The following SAMD12 variants were observed in gnomAD, a reference collection of about 807,000 sequenced individuals.
The protein encoded by SAMD12 is sterile alpha motif domain-containing protein 12.
A neutral mutation model predicts 15.0 loss-of-function variants in SAMD12; 9 were observed. That is an observed-to-expected ratio of 0.60 (90% confidence interval 0.36 to 1.05). SAMD12 has a LOEUF of 1.05. Among genes scored for constraint, SAMD12 ranks in the 50% least tolerant of loss-of-function variants. The probability of loss-of-function intolerance (pLI) is 0.01; values close to 1 mark genes in which losing one functional copy is unlikely to be tolerated. For missense variants in SAMD12, 230 were observed against 234.2 expected (o/e 0.98, Z 0.12); for synonymous variants, 86 against 90.1 (o/e 0.96, Z 0.25).
In SAMD12 at chr8:118,493,813, C is replaced by T. The variant is rs545399751; in HGVS notation, c.193-53852G>A. Among the ~76,000 whole-genome samples, 242 of 152,230 alleles carry T rather than the reference C, an allele frequency of 1.6e-3. 3 individuals carry two copies. Among genetic ancestry groups the T allele is most frequent in the African/African-American group, 5.7e-3 (235 of 41,554 alleles). ...AAGGACTGAAATAGGAGGTGGACACCACATGGCAGGATCCAGGATCTAATC... is the reference window on the plus strand; with the variant it reads ...AAGGACTGAAATAGGAGGTGGACACTACATGGCAGGATCCAGGATCTAATC... On this transcript the variant is annotated intron_variant, in intron 2 of 3. Transcript: ENST00000314727.
At chr8:118,419,187 C>T (rs1305142471) in intron 3 of SAMD12, among the ~76,000 whole-genome samples, 1 of 151,836 alleles carries the variant, frequency 6.6e-6, no homozygotes. Context: ...AAGGAATTGT[C>T]CTTGAACTGG....
intron 1 of SAMD12, among the ~76,000 whole-genome samples, chr8:118,609,993 A>G (rs973328833): frequency 2.0e-5 from 3 of 152,204 alleles, no homozygotes; most frequent in African/African-American, 4.8e-5. Flanking sequence ...CAAGAGCAGT[A>G]AGTTCAATAT....
intron 4 of SAMD12, among the ~76,000 whole-genome samples, chr8:118,346,792 G>C (rs1011844999): frequency 7.9e-5 from 12 of 152,332 alleles, no homozygotes; most frequent in African/African-American, 2.4e-4. Context: ...GAGCCAACAA[G>C]AGTCCTTCCT....
chr8:118,258,475 A>G (rs113847909), intron 4 of SAMD12, among the ~76,000 whole-genome samples: 15,121 of 152,094 alleles, frequency 0.099, 2,321 homozygotes, highest in African/African-American at 0.33. Flanking sequence ...TTGAGTGCCT[A>G]CTATGTGCCT....
chr8:118,148,499 A>T, the SAMD12 span, among the ~76,000 whole-genome samples: 1 of 152,248 alleles, frequency 6.6e-6, no homozygotes. Context: ...TCGTACAAAC[A>T]TTATGATCTT....
At chr8:118,145,991 A>T in the SAMD12 span, among the ~76,000 whole-genome samples, 9 of 152,204 alleles carry the variant, frequency 5.9e-5, no homozygotes, top group Non-Finnish European at 1.2e-4. Context: ...GATCAAAGCG[A>T]TGCAACCCCA....
chr8:118,570,791 A>G (rs1390607981), intron 2 of SAMD12, among the ~76,000 whole-genome samples: 3 of 152,080 alleles, frequency 2.0e-5, no homozygotes, highest in Admixed American at 2.0e-4. Context: ...ATTCCCACAT[A>G]TTGTGGGAGG....
intron 4 of SAMD12, among the ~76,000 whole-genome samples, chr8:118,281,315 G>T (rs1263195288): frequency 2.0e-5 from 3 of 152,304 alleles, no homozygotes; most frequent in African/African-American, 7.2e-5. Flanking sequence ...TTGTAGCAGT[G>T]CATGTGTCTA....
the SAMD12 span, among the ~76,000 whole-genome samples, chr8:118,152,494 T>TCCTTCCTTCCTTCCTC: frequency 6.8e-6 from 1 of 147,512 alleles, no homozygotes; most frequent in Non-Finnish European, 1.5e-5. Context: ...CTTCCTTCCT[T>TCCTTCCTTCCTTCCTC]CCTTCCTTCT....
chr8:118,580,998 A>G lies in SAMD12; in HGVS notation c.14-105T>C. On this transcript the variant is annotated intron_variant, in intron 1 of 3. Transcript: ENST00000314727. Reference sequence around the variant, plus strand: ...TAAGTAGGAAAAAAACGAGGCATCTATGAGTCGAGAGGTGGTGTGATTACT... The same window carrying G: ...TAAGTAGGAAAAAAACGAGGCATCTGTGAGTCGAGAGGTGGTGTGATTACT... The G allele has an allele frequency of 5.1e-6, 4 of 787,508 alleles. No individual in the cohort carries two copies. The South Asian group carries it at 7.7e-5, about 15-fold the overall frequency. 48.8% of individuals were successfully genotyped at this position (787,508 alleles called of 1,614,324 possible). A position where few individuals can be genotyped will look rare whatever the true frequency, so the allele number is the denominator to read the frequency against.
chr8:118,229,091 G>A (rs915851263), intron 4 of SAMD12, among the ~76,000 whole-genome samples: 1 of 152,002 alleles, frequency 6.6e-6, no homozygotes. Flanking sequence ...CTATGAGAAC[G>A]CAAAGGCATA....
chr8:118,268,758 G>C (rs1173931384), intron 4 of SAMD12, among the ~76,000 whole-genome samples: 1 of 152,162 alleles, frequency 6.6e-6, no homozygotes, highest in Admixed American at 6.5e-5. Context: ...AGATTGCAGT[G>C]AGCTGAAATC....
chr8:118,272,049 G>A (rs1300873036), intron 4 of SAMD12, among the ~76,000 whole-genome samples: 7 of 152,214 alleles, frequency 4.6e-5, no homozygotes, highest in Admixed American at 2.6e-4. Flanking sequence ...TGGGGGCTCC[G>A]ATCCCATATT....
At chr8:118,405,762 G>A (rs552765730) in intron 3 of SAMD12, among the ~76,000 whole-genome samples, 1 of 152,166 alleles carries the variant, frequency 6.6e-6, no homozygotes, top group Non-Finnish European at 1.5e-5. Flanking sequence ...ATTTGAAAGT[G>A]TGAAAAAGTT....
At chr8:118,254,234 C>T (rs1259702360) in intron 4 of SAMD12, among the ~76,000 whole-genome samples, 1 of 152,076 alleles carries the variant, frequency 6.6e-6, no homozygotes, top group Non-Finnish European at 1.5e-5. Context: ...AGAGTCAATT[C>T]CCTATCTGTC....
intron 1 of SAMD12, among the ~76,000 whole-genome samples, chr8:118,603,548 G>A (rs1181429437): frequency 6.6e-6 from 1 of 152,154 alleles, no homozygotes; most frequent in East Asian, 1.9e-4. Flanking sequence ...AAGTACAAGG[G>A]TAGAATAAAG....
chr8:118,299,632 G>C (rs28365517), intron 4 of SAMD12, among the ~76,000 whole-genome samples: 1 of 152,256 alleles, frequency 6.6e-6, no homozygotes, highest in East Asian at 1.9e-4. Flanking sequence ...TATCCAACAT[G>C]GAGAAAAGAT....
intron 1 of SAMD12, among the ~76,000 whole-genome samples, chr8:118,610,406 T>A (rs1828080404): frequency 6.6e-6 from 1 of 151,678 alleles, no homozygotes; most frequent in South Asian, 2.1e-4. Context: ...CACAGTAGAG[T>A]GAAAAAGCAA....
chr8:118,543,894 G>C (rs1337184282), intron 2 of SAMD12, among the ~76,000 whole-genome samples: 4 of 151,942 alleles, frequency 2.6e-5, no homozygotes, highest in Non-Finnish European at 5.9e-5. Flanking sequence ...TTTATCTCCA[G>C]GGTCTCTCCA....
Sources: allele counts gnomAD v4.1 joint callset (sites outside exome capture counted in the v4.1 genomes callset), GRCh38; gene constraint gnomAD v4.1.1; transcripts MANE v1.5; gene names NCBI Gene and HGNC (gene_info 2026-07-23, HGNC 2026-07-21).